Variants in KIF26B observed in about 807,000 individuals in gnomAD.
KIF26B encodes the protein kinesin-like protein KIF26B.
KIF26B carries 63 observed loss-of-function variants against 151.2 expected under a neutral mutation model. That is an observed-to-expected ratio of 0.42 (90% CI 0.34 to 0.51). The LOEUF (loss-of-function observed/expected upper bound fraction) is 0.51. KIF26B is among the 20% of genes least tolerant of loss of function. KIF26B has a pLI of 0.07. For missense variants in KIF26B, 2,813 were observed against 2,913.6 expected, an observed-to-expected ratio of 0.97 and a Z score of 0.79; for synonymous variants, 1,357 against 1,262.1, an observed-to-expected ratio of 1.08 and a Z score of -1.59.
intron 2 of KIF26B, among the ~76,000 whole-genome samples, chr1:245,243,715 G>A (rs1359707838): frequency 6.6e-6 from 1 of 152,042 alleles, no homozygotes; most frequent in Non-Finnish European, 1.5e-5. Context: ...GCCAGGCATG[G>A]TGGCACACGC....
At chr1:245,525,376 C>T (rs925487429) in intron 4 of KIF26B, among the ~76,000 whole-genome samples, 10 of 152,206 alleles carry the variant, frequency 6.6e-5, no homozygotes, top group Admixed American at 3.3e-4. Context: ...CATTGAACGA[C>T]TCAGTGTTTG....
Position 245,689,498 on chromosome 1 carries a change from G to GC in KIF26B, c.5824+697dup, listed in dbSNP as rs373311091. Among the ~76,000 whole-genome samples the GC allele has an allele frequency of 2.3e-3, 354 of 152,294 alleles. 2 individuals are homozygous for GC. The highest frequency in any genetic ancestry group is 8.3e-3 in the African/African-American group (343 of 41,564). On this transcript the variant is annotated intron_variant, in intron 12 of 14. Transcript: ENST00000407071. ...GCACACCTGCCACAGGGCCTGCAGT[G>GC]CCCCCCGCCACACACACCATGATGC... is the stretch of plus-strand genomic sequence containing the variant.
At chr1:245,406,797 TA>T (rs1467521954) in intron 3 of KIF26B, among the ~76,000 whole-genome samples, 1 of 152,086 alleles carries the variant, frequency 6.6e-6, no homozygotes, top group African/African-American at 2.4e-5. Context: ...TACTTATTAT[TA>T]TTTTTTTGAG....
chr1:245,603,841 C>T (rs1334664641), intron 6 of KIF26B, among the ~76,000 whole-genome samples: 1 of 152,120 alleles, frequency 6.6e-6, no homozygotes, highest in Admixed American at 6.5e-5. Flanking sequence ...GGAGTTGCAC[C>T]CAGGCTGGGG....
intron 10 of KIF26B, among the ~76,000 whole-genome samples, chr1:245,656,588 C>T (rs1039404017): frequency 4.6e-5 from 7 of 152,320 alleles, no homozygotes; most frequent in East Asian, 3.9e-4. Flanking sequence ...GAGCCCAAGA[C>T]GCCCTTGGGC....
chr1:245,400,035 G>C (rs1468866731), intron 3 of KIF26B, among the ~76,000 whole-genome samples: 1 of 152,170 alleles, frequency 6.6e-6, no homozygotes, highest in Non-Finnish European at 1.5e-5. Context: ...CTAAGAAAAA[G>C]AGTAATGGTG....
At chr1:245,302,400 G>A (rs979343353) in intron 2 of KIF26B, among the ~76,000 whole-genome samples, 10 of 152,194 alleles carry the variant, frequency 6.6e-5, no homozygotes, top group African/African-American at 2.4e-4. Flanking sequence ...TAGTTGTGCC[G>A]TGCACATACA....
intron 8 of KIF26B, among the ~76,000 whole-genome samples, chr1:245,611,176 A>G (rs186342389): frequency 1.7e-3 from 266 of 152,356 alleles, no homozygotes; most frequent in African/African-American, 6.1e-3. Flanking sequence ...CTAAATTTAG[A>G]TGAGACATTC....
intron 2 of KIF26B, among the ~76,000 whole-genome samples, chr1:245,291,946 G>A (rs1015126576): frequency 1.3e-5 from 2 of 152,146 alleles, no homozygotes; most frequent in South Asian, 2.1e-4. Context: ...GTGCCAGACC[G>A]GGTCTCCTGG....
chr1:245,541,724 T>A (rs12033587), intron 5 of KIF26B, among the ~76,000 whole-genome samples: 29,231 of 152,146 alleles, frequency 0.19, 3,141 homozygotes, highest in East Asian at 0.25. Flanking sequence ...TACAGACTTA[T>A]CGTGACTCCG....
chr1:245,646,067 A>G (rs2043942202), intron 9 of KIF26B, 54 bp from the exon 10 acceptor site: 1 of 1,575,692 alleles, frequency 6.3e-7, no homozygotes, highest in Non-Finnish European at 8.7e-7. Flanking sequence ...TGAAGAACAG[A>G]TGAGTGTTTG....
chr1:245,286,071 C>G (rs1486622041), intron 2 of KIF26B, among the ~76,000 whole-genome samples: 1 of 151,324 alleles, frequency 6.6e-6, no homozygotes, highest in African/African-American at 2.4e-5. Flanking sequence ...TCAAGAGGTT[C>G]ACTGCTTCCC....
chr1:245,481,085 G>A (rs778061998), intron 4 of KIF26B, among the ~76,000 whole-genome samples: 2 of 151,850 alleles, frequency 1.3e-5, no homozygotes, highest in Admixed American at 6.6e-5. Flanking sequence ...TGCGTTGTGC[G>A]TGCATTTTCC....
intron 4 of KIF26B, among the ~76,000 whole-genome samples, chr1:245,518,888 TG>T (rs1661027090): frequency 6.6e-6 from 1 of 152,320 alleles, no homozygotes; most frequent in Admixed American, 6.5e-5. Context: ...AGCTAGTTAG[TG>T]AGGACTGCTA....
At chr1:245,387,552 G>T (rs1673581796) in intron 3 of KIF26B, among the ~76,000 whole-genome samples, 1 of 152,140 alleles carries the variant, frequency 6.6e-6, no homozygotes, top group African/African-American at 2.4e-5. Flanking sequence ...AATTAGCCAG[G>T]CATGGTGGCA....
chr1:245,698,031 G>A lies in KIF26B; in HGVS notation c.5825-75G>A. ...CACTCCAGCCTGGGCAACAGAGCAA[G>A]ACCCTGTCTCAAAAAAACAACAAAA... On this transcript the variant is annotated intron_variant, in intron 12 of 14. Coordinates refer to ENST00000407071, the MANE Select transcript of KIF26B (RefSeq NM_018012.4). This position sits in a 1 kb window ranked among gnomAD's most constrained non-coding sequence, Gnocchi z 4.0. The A allele has an allele frequency of 7.3e-7, 1 of 1,372,090 alleles. No homozygotes were observed. Among genetic ancestry groups the A allele is most frequent in the Non-Finnish European group, 1.0e-6 (1 of 1,001,858 alleles). 85.0% of individuals were successfully genotyped at this position (1,372,090 alleles called of 1,614,324 possible).
chr1:245,562,711 C>CT (rs1324987617), intron 5 of KIF26B, among the ~76,000 whole-genome samples: 2 of 151,852 alleles, frequency 1.3e-5, no homozygotes, highest in East Asian at 1.9e-4. Flanking sequence ...AATCATTGCC[C>CT]TTTTTTTATT....
chr1:245,370,625 C>T (rs766177989), intron 3 of KIF26B: 33 of 456,568 alleles, frequency 7.2e-5, no homozygotes, highest in South Asian at 2.6e-4. Context: ...GAAGACTCGG[C>T]GGCTGCGCCA....
intron 3 of KIF26B, among the ~76,000 whole-genome samples, chr1:245,403,554 G>A (rs368900447): frequency 5.3e-5 from 8 of 152,140 alleles, no homozygotes; most frequent in South Asian, 4.2e-4. Flanking sequence ...GTGTGTGTGC[G>A]CGCGCATGTG....
Sources: allele counts gnomAD v4.1 joint callset (sites outside exome capture counted in the v4.1 genomes callset), GRCh38; gene constraint gnomAD v4.1.1; non-coding constraint Gnocchi (gnomAD v3.1); transcripts MANE v1.5; gene names NCBI Gene and HGNC (gene_info 2026-07-23, HGNC 2026-07-21).